The following FAM135B variants were observed in gnomAD, a reference collection of about 807,000 sequenced individuals.
The protein encoded by FAM135B is family with sequence similarity 135 member B.
FAM135B carries 43 observed loss-of-function variants against 127.7 expected under a neutral mutation model. That is an observed-to-expected ratio of 0.34 (90% confidence interval 0.26 to 0.43). The LOEUF (loss-of-function observed/expected upper bound fraction) is 0.43, where lower values mean the gene tolerates loss of function less well. Ranked by LOEUF, FAM135B falls within the 20% of genes least tolerant of loss-of-function variation. The pLI is 1.00. For synonymous variants in FAM135B, 670 were observed against 665.1 expected (o/e 1.01, Z -0.11); for missense variants, 1,558 against 1,725.6 (o/e 0.90, Z 1.72).
chr8:138,151,419 G>T lies in FAM135B; in HGVS notation c.3056C>A (p.Thr1019Asn). The T allele has an allele frequency of 6.2e-7, 1 of 1,614,076 alleles. No homozygotes were observed. Among genetic ancestry groups the T allele is most frequent in the African/African-American group, 1.3e-5 (1 of 75,052 alleles). The change falls in exon 13 of 20, where the codon ACC (threonine) becomes AAC (asparagine). Residue 1019 changes from threonine to asparagine, a missense_variant. Physicochemically the swap from Thr to Asn is moderately conservative, Grantham distance 65. Transcript: ENST00000395297. ...AGCCTTCAGGCTGTCCAGAGTAAAGGTCTCTGCAGAAGTCAGATGGGACCC... is the reference window on the plus strand; with the variant it reads ...AGCCTTCAGGCTGTCCAGAGTAAAGTTCTCTGCAGAAGTCAGATGGGACCC... ...IMGSHLTSAE[T>N]FTLDSLKAVE...
At chr8:138,375,232 C>T (rs1451124089) in intron 1 of FAM135B, among the ~76,000 whole-genome samples, 1 of 141,222 alleles carries the variant, frequency 7.1e-6, no homozygotes, top group African/African-American at 2.7e-5. Context: ...GAAATCACTT[C>T]TGAGAAGAAA....
intron 1 of FAM135B, among the ~76,000 whole-genome samples, chr8:138,410,568 C>A (rs1243667753): frequency 6.6e-6 from 1 of 152,104 alleles, no homozygotes; most frequent in East Asian, 1.9e-4. Context: ...GAAACATAAA[C>A]CGAAACCATA....
intron 1 of FAM135B, among the ~76,000 whole-genome samples, chr8:138,378,350 C>G (rs1347974860): frequency 1.3e-5 from 2 of 152,206 alleles, no homozygotes; most frequent in African/African-American, 4.8e-5. Flanking sequence ...GAGGCCAACC[C>G]CTCAGCAGCT....
At chr8:138,421,922 G>A (rs540656398) in intron 1 of FAM135B, among the ~76,000 whole-genome samples, 1 of 152,132 alleles carries the variant, frequency 6.6e-6, no homozygotes, top group African/African-American at 2.4e-5. Context: ...CATGGTATGT[G>A]TACAAAAACA....
At chr8:138,208,612 G>A (rs557022866) in intron 7 of FAM135B, among the ~76,000 whole-genome samples, 2 of 152,342 alleles carry the variant, frequency 1.3e-5, no homozygotes, top group South Asian at 4.1e-4. Context: ...AGAATTAGAG[G>A]AAAGATCCAG....
intron 12 of FAM135B, among the ~76,000 whole-genome samples, chr8:138,156,362 A>G (rs1337328005): frequency 6.6e-6 from 1 of 152,206 alleles, no homozygotes. Context: ...TAAAATAATC[A>G]CCCTAACATC....
intron 9 of FAM135B, among the ~76,000 whole-genome samples, chr8:138,187,219 A>T (rs995051330): frequency 1.3e-5 from 2 of 152,210 alleles, no homozygotes; most frequent in Non-Finnish European, 2.9e-5. Flanking sequence ...TTTCTTTGAC[A>T]TGTTTTGAAA....
chr8:138,401,297 A>T (rs1293887191), intron 1 of FAM135B, among the ~76,000 whole-genome samples: 1 of 152,106 alleles, frequency 6.6e-6, no homozygotes, highest in Non-Finnish European at 1.5e-5. Context: ...ACCTGGACTG[A>T]TTGTCTATGT....
chr8:138,391,929 A>T (rs987634437), intron 1 of FAM135B, among the ~76,000 whole-genome samples: 1 of 152,172 alleles, frequency 6.6e-6, no homozygotes, highest in East Asian at 1.9e-4. Flanking sequence ...TCACTAGGCC[A>T]TCTGGTCTCC....
chr8:138,214,256 A>AGTTCTAT (rs1325955408), intron 7 of FAM135B, among the ~76,000 whole-genome samples: 2 of 152,208 alleles, frequency 1.3e-5, no homozygotes, highest in Admixed American at 6.5e-5. Context: ...AAGGTAATAA[A>AGTTCTAT]CAGTTCTATC....
chr8:138,265,637 G>A (rs1280928578), intron 4 of FAM135B, 66 bp downstream of exon 4: 8 of 1,559,650 alleles, frequency 5.1e-6, no homozygotes, highest in Non-Finnish European at 5.3e-6. Flanking sequence ...CATTTACCTA[G>A]CAATGAGAGA....
chr8:138,313,638 G>A, intron 2 of FAM135B, among the ~76,000 whole-genome samples: 1 of 149,744 alleles, frequency 6.7e-6, no homozygotes. Context: ...CAAAGTGCTG[G>A]GATTACAGGT....
intron 1 of FAM135B, among the ~76,000 whole-genome samples, chr8:138,493,570 C>T (rs1815280505): frequency 6.6e-6 from 1 of 152,144 alleles, no homozygotes; most frequent in Non-Finnish European, 1.5e-5. Flanking sequence ...CATTACAATG[C>T]TATGCAGATA....
At chr8:138,373,203 C>T (rs763738884) in intron 1 of FAM135B, among the ~76,000 whole-genome samples, 1 of 151,984 alleles carries the variant, frequency 6.6e-6, no homozygotes, top group African/African-American at 2.4e-5. Context: ...AGTCAGGGAC[C>T]CCAAATGGAG....
At chr8:138,381,078 T>A (rs1831824044) in intron 1 of FAM135B, among the ~76,000 whole-genome samples, 1 of 151,960 alleles carries the variant, frequency 6.6e-6, no homozygotes, top group Admixed American at 6.6e-5. Flanking sequence ...GTCCTTAGAG[T>A]ATGAGCTCTG....
intron 1 of FAM135B, among the ~76,000 whole-genome samples, chr8:138,492,119 A>T (rs955870958): frequency 3.3e-5 from 5 of 152,142 alleles, no homozygotes; most frequent in African/African-American, 1.2e-4. Flanking sequence ...TGTGCACAGT[A>T]GACACTGGGA....
chr8:138,482,903 A>T (rs1250681429), intron 1 of FAM135B, among the ~76,000 whole-genome samples: 1 of 152,128 alleles, frequency 6.6e-6, no homozygotes, highest in Non-Finnish European at 1.5e-5. Flanking sequence ...AAACTATTTT[A>T]GCTTCCATCC....
chr8:138,327,765 A>G lies in FAM135B; in HGVS notation c.78-16845T>C, dbSNP rs546214530. ...ACCAATTTCACAAATTATAATCGTA[A>G]TCATAGGAAACCCCTCAGGACTTCC... On this transcript the variant is annotated intron_variant, in intron 2 of 19. Coordinates refer to ENST00000395297, the MANE Select transcript of FAM135B (RefSeq NM_015912.4). 1.3e-4 allele frequency among the ~76,000 whole-genome samples: 20 copies of G among 152,310 alleles called. No homozygotes were observed. In the South Asian group the frequency reaches 3.1e-3, roughly 24 times the overall value.
At chr8:138,440,397 CAA>C (rs1835692605) in intron 1 of FAM135B, 1 of 151,244 alleles carries the variant, frequency 6.6e-6, no homozygotes, top group Non-Finnish European at 1.5e-5. Flanking sequence ...AAGATAGTGA[CAA>C]ATATCTAGGA....
Sources: gnomAD v4.1 joint callset for allele counts (sites outside exome capture counted in the v4.1 genomes callset) on GRCh38, gnomAD v4.1.1 for gene constraint, MANE v1.5 for transcripts, NCBI Gene and HGNC (gene_info 2026-07-23, HGNC 2026-07-21) for gene names.